Variants in PRKDC observed in about 807,000 individuals in gnomAD.
PRKDC encodes the protein protein kinase, DNA-activated, catalytic subunit, also known as DNA-dependent protein kinase catalytic subunit.
A neutral mutation model predicts 486.9 loss-of-function variants in PRKDC; 82 were observed. That is an observed-to-expected ratio of 0.17 (90% confidence interval 0.14 to 0.20). PRKDC has a LOEUF of 0.20. Among genes scored for constraint, PRKDC ranks in the 10% least tolerant of loss-of-function variants. The probability of loss-of-function intolerance (pLI) is 1.00; values close to 1 mark genes in which losing one functional copy is unlikely to be tolerated. For missense variants in PRKDC, 4,504 were observed against 5,038.2 expected (o/e 0.89, Z 3.21); for synonymous variants, 1,895 against 1,837.0 (o/e 1.03, Z -0.81).
intron 25 of PRKDC, among the ~76,000 whole-genome samples, chr8:47,909,748 T>C (rs183215395): frequency 2.6e-5 from 4 of 152,022 alleles, no homozygotes; most frequent in East Asian, 1.9e-4. Flanking sequence ...GCTCTGGGAG[T>C]GTCTGTCTTA....
intron 69 of PRKDC, 145 bp from the exon 70 acceptor site, chr8:47,803,625 A>G: frequency 1.4e-6 from 1 of 734,838 alleles, no homozygotes; most frequent in Non-Finnish European, 2.3e-6. Flanking sequence ...ATGTCTCTAA[A>G]TTTATCACTG....
At chr8:47,944,265 A>G (rs1467660105) in intron 7 of PRKDC, among the ~76,000 whole-genome samples, 1 of 152,172 alleles carries the variant, frequency 6.6e-6, no homozygotes, top group East Asian at 1.9e-4. Context: ...CCAACCTATC[A>G]CTTACAAGCT....
At position 47,879,521 on chromosome 8, in the gene PRKDC, C is replaced by A; in HGVS notation, c.5205G>T (p.Arg1735=). ...QSREFPPGTP[R]FNNYVDCMKK... is the part of the protein sequence containing the mutation. Reference sequence around the variant, plus strand: ...TCATGCAGTCCACATAATTATTGAACCGCGGAGTTCCTGGAGGAAATTCCC... The same window carrying A: ...TCATGCAGTCCACATAATTATTGAAACGCGGAGTTCCTGGAGGAAATTCCC... The change falls in exon 39 of 86, where the codon CGG becomes CGT. Residue 1735 remains arginine (R), a synonymous_variant. Coordinates refer to ENST00000314191, the MANE Select transcript of PRKDC (RefSeq NM_006904.7). 1 of 1,595,772 alleles carries A rather than the reference C, an allele frequency of 6.3e-7. No homozygotes were observed. Among genetic ancestry groups the A allele is most frequent in the African/African-American group, 1.3e-5 (1 of 74,520 alleles).
Position 47,859,577 on chromosome 8 carries a change from G to A in PRKDC, c.6207+34C>T, listed in dbSNP as rs376559251. The A allele has an allele frequency of 2.8e-5, 44 of 1,597,588 alleles. No homozygotes were observed. In the Middle Eastern group the frequency reaches 6.7e-4, roughly 24 times the overall value. On this transcript the variant is annotated intron_variant, in intron 46 of 85. Transcript: ENST00000314191. ...GTGACCCCCTTTCTTCACAAACATCGACAATATTCTTTTAGTATGTGAAAT... is the reference window on the plus strand; with the variant it reads ...GTGACCCCCTTTCTTCACAAACATCAACAATATTCTTTTAGTATGTGAAAT...
intron 59 of PRKDC, among the ~76,000 whole-genome samples, chr8:47,832,437 G>A (rs2087907415): frequency 6.6e-6 from 1 of 152,154 alleles, no homozygotes; most frequent in Non-Finnish European, 1.5e-5. Flanking sequence ...GCCAAAGTAA[G>A]CAACAAGGAA....
intron 10 of PRKDC, among the ~76,000 whole-genome samples, chr8:47,940,942 C>T (rs1371441749): frequency 1.3e-5 from 2 of 152,088 alleles, no homozygotes; most frequent in African/African-American, 4.8e-5. Context: ...TCAGCCTGGC[C>T]AACATGGTGA....
intron 74 of PRKDC, among the ~76,000 whole-genome samples, chr8:47,793,683 T>TAAAAAAAAAAAAA (rs397892514): frequency 5.5e-5 from 4 of 72,810 alleles, no homozygotes; most frequent in Non-Finnish European, 8.7e-5. Flanking sequence ...TTAAAAAAAC[T>TAAAAAAAAAAAAA]AAAAAAAAAA....
intron 14 of PRKDC, among the ~76,000 whole-genome samples, chr8:47,934,467 G>A (rs912597459): frequency 6.6e-6 from 1 of 152,158 alleles, no homozygotes; most frequent in African/African-American, 2.4e-5. Flanking sequence ...CCTTGGAGGG[G>A]AAGGTTGCAG....
At chr8:47,919,723 GTT>G (rs200600818) in intron 21 of PRKDC, among the ~76,000 whole-genome samples, 178 of 126,994 alleles carry the variant, frequency 1.4e-3, no homozygotes, top group Non-Finnish European at 1.7e-3. Context: ...GTTTTTAGTG[GTT>G]TTTTTTTTTT....
intron 74 of PRKDC, among the ~76,000 whole-genome samples, chr8:47,791,990 A>G (rs1345498543): frequency 6.6e-6 from 1 of 152,222 alleles, no homozygotes; most frequent in Non-Finnish European, 1.5e-5. Context: ...CAGTACATAC[A>G]TGCAATAGAG....
Position 47,904,464 on chromosome 8 carries a change from G to C in PRKDC, c.3042+405C>G, listed in dbSNP as rs8178066. On this transcript the variant is annotated intron_variant, in intron 26 of 85. Transcript: ENST00000314191. ...AGACAGGGTTTCTCCATGTTGGCCTGGTTGGTTTCCAACTCCTGGGCTCAT... is the reference window on the plus strand; with the variant it reads ...AGACAGGGTTTCTCCATGTTGGCCTCGTTGGTTTCCAACTCCTGGGCTCAT... Among the ~76,000 whole-genome samples the C allele has an allele frequency of 3.3e-3, 510 of 152,282 alleles. 2 individuals are homozygous for C. Among genetic ancestry groups the C allele is most frequent in the African/African-American group, 0.012 (491 of 41,562 alleles).
chr8:47,778,004 A>C, intron 83 of PRKDC, 130 bp from the exon 84 acceptor site: 1 of 897,702 alleles, frequency 1.1e-6, no homozygotes, highest in Admixed American at 2.3e-5. Flanking sequence ...TTCCCTTGAA[A>C]TCAGCTACAC....
chr8:47,850,461 A>G (rs1407466336), intron 52 of PRKDC, among the ~76,000 whole-genome samples: 1 of 152,174 alleles, frequency 6.6e-6, no homozygotes, highest in Non-Finnish European at 1.5e-5. Context: ...AAATATTGCA[A>G]AACCAGAAAA....
At chr8:47,879,716 A>G in intron 38 of PRKDC, 58 bp from the exon 39 acceptor site, 1 of 1,342,248 alleles carries the variant, frequency 7.5e-7, no homozygotes. Flanking sequence ...TATCCTACAG[A>G]ATAAATAAAA....
Position 47,896,454 on chromosome 8 carries a change from T to C in PRKDC, c.3598+707A>G, listed in dbSNP as rs564707793. 1.7e-3 allele frequency among the ~76,000 whole-genome samples: 258 copies of C among 152,152 alleles called. 1 individual carries two copies. The highest frequency in any genetic ancestry group is 5.9e-3 in the African/African-American group (244 of 41,530). On this transcript the variant is annotated intron_variant, in intron 30 of 85. Transcript: ENST00000314191. ...CGAGGTCAGCAGATAGAGACCATCC[T>C]GGCTAACACGGTGAAACCCCGTCTC...
Position 47,858,629 on chromosome 8 carries a change from C to T in PRKDC, c.6352G>A (p.Val2118Met). The part of the protein sequence containing the change: ...LGPPQGEEDS[V>M]PRDLPSWMKF... ...ATCCAAGAAGGAAGATCTCTTGGCACTGAATCCTAAAATAAAACATTCAAA... is the reference window on the plus strand; with the variant it reads ...ATCCAAGAAGGAAGATCTCTTGGCATTGAATCCTAAAATAAAACATTCAAA... The change falls in exon 48 of 86, where the codon GTG (valine) becomes ATG (methionine). Residue 2118 changes from valine (V) to methionine (M), a missense_variant. Around this residue, in one of 6 missense-constraint regions of PRKDC, gnomAD observed 1,592 missense variants for 1,724.6 expected, o/e 0.92. Coordinates refer to ENST00000314191, the MANE Select transcript of PRKDC (RefSeq NM_006904.7). 1 of 1,520,194 alleles carries T rather than the reference C, an allele frequency of 6.6e-7. No individual in the cohort carries two copies. The highest frequency in any genetic ancestry group is 1.4e-5 in the African/African-American group (1 of 71,628). The allele number at this position is 1,520,194 out of a possible 1,614,324, so 94.2% of individuals were successfully genotyped here.
intron 67 of PRKDC, among the ~76,000 whole-genome samples, chr8:47,819,067 A>G (rs2087521775): frequency 2.0e-5 from 3 of 151,892 alleles, no homozygotes. Context: ...ACTGCTCAGG[A>G]CCCTCCTCCA....
rs1469155158 is a variant in PRKDC at position 47,823,846 on chromosome 8, G to T, written c.8922+12C>A. ...GAAGTAAATGTCATATTTTGCCAGAGATCAATTTTACCTCATCATACTGCT... is the reference window on the plus strand; with the variant it reads ...GAAGTAAATGTCATATTTTGCCAGATATCAATTTTACCTCATCATACTGCT... On this transcript the variant is annotated intron_variant, in intron 64 of 85. Coordinates refer to ENST00000314191, the MANE Select transcript of PRKDC (RefSeq NM_006904.7). 1 of 1,611,686 alleles carries T rather than the reference G, an allele frequency of 6.2e-7. No homozygotes were observed. Among genetic ancestry groups the T allele is most frequent in the Admixed American group, 1.7e-5 (1 of 59,744 alleles).
Position 47,887,670 on chromosome 8 carries a change from A to G in PRKDC, c.4449T>C (p.Leu1483=). 4 of 1,610,520 alleles carry G rather than the reference A, an allele frequency of 2.5e-6. No individual in the cohort carries two copies. The highest frequency in any genetic ancestry group is 3.4e-6 in the Non-Finnish European group (4 of 1,178,478). ...TDLHHSVGTE[L]LSLVYKGIAP... is the part of the protein sequence containing the mutation. ...CAATGCCTTTATAAACCAGGGAAAGAAGTTCTGTGCCAACAGAATGATGCA... is the reference window on the plus strand; with the variant it reads ...CAATGCCTTTATAAACCAGGGAAAGGAGTTCTGTGCCAACAGAATGATGCA... Residue 1483 remains leucine (L), a synonymous_variant, in exon 35 of 86, where the codon CTT becomes CTC. Coordinates refer to ENST00000314191, the MANE Select transcript of PRKDC (RefSeq NM_006904.7).
Sources: gnomAD v4.1 joint callset for allele counts (sites outside exome capture counted in the v4.1 genomes callset) on GRCh38, gnomAD v4.1.1 for gene constraint, gnomAD v4.1.1 regional missense constraint, MANE v1.5 for transcripts, NCBI Gene and HGNC (gene_info 2026-07-23, HGNC 2026-07-21) for gene names.